Variants in SPATA18 observed in about 807,000 individuals in gnomAD.
SPATA18 encodes the protein mitochondria-eating protein.
SPATA18 carries 54 observed loss-of-function variants against 68.1 expected under a neutral mutation model. The ratio of observed to expected loss-of-function variants is 0.79; its 90% CI spans 0.64 to 0.99. The LOEUF is 0.99. Among genes scored for constraint, SPATA18 ranks in the 50% least tolerant of loss-of-function variants. The pLI, the probability that SPATA18 is intolerant of heterozygous loss-of-function variation, is 0.00. For missense variants in SPATA18, 724 were observed against 681.1 expected (o/e 1.06, Z -0.70); for synonymous variants, 242 against 244.8 (o/e 0.99, Z 0.11).
At chr4:52,069,744 T>TA in intron 4 of SPATA18, 77 bp from the exon 5 acceptor site, 1 of 1,049,596 alleles carries the variant, frequency 9.5e-7, no homozygotes, top group Non-Finnish European at 1.3e-6. Context: ...CAGAAGTTCC[T>TA]AAGTGAGCCT....
At chr4:52,082,762 C>T in intron 10 of SPATA18, 1 of 1,313,816 alleles carries the variant, frequency 7.6e-7, no homozygotes, top group African/African-American at 1.5e-5. Flanking sequence ...TCATATTTAC[C>T]TCCTCCATCT....
chr4:52,072,307 T>C, intron 6 of SPATA18, 151 bp downstream of exon 6: 1 of 1,269,534 alleles, frequency 7.9e-7, no homozygotes, highest in Non-Finnish European at 1.1e-6. Flanking sequence ...GATTGTTTTC[T>C]TAACTGCACC....
At chr4:52,084,821 A>T in intron 10 of SPATA18, 95 bp from the exon 11 acceptor site, 1 of 1,213,602 alleles carries the variant, frequency 8.2e-7, no homozygotes, top group Non-Finnish European at 1.2e-6. Flanking sequence ...CACATAAGTA[A>T]AACTCTTATT....
At position 52,051,341 on chromosome 4, in the gene SPATA18, G is replaced by C. The variant is rs1271572007; in HGVS notation, c.-364G>C. On this transcript the variant is annotated 5_prime_UTR_variant, in exon 1 of 13. Transcript: ENST00000295213. ...GGGCGCGCGGCTGTCACCCAGGGCG[G>C]GGCGGCGCGGGCGTTGCCACGACGC... is the stretch of plus-strand genomic sequence containing the variant. 1 of 203,416 alleles carries C rather than the reference G, an allele frequency of 4.9e-6. No homozygotes were observed. The highest frequency in any genetic ancestry group is 1.3e-4 in the South Asian group (1 of 7,562). 12.6% of individuals were successfully genotyped at this position (203,416 alleles called of 1,614,324 possible).
intron 4 of SPATA18, among the ~76,000 whole-genome samples, chr4:52,066,425 C>T (rs1457771585): frequency 2.0e-5 from 3 of 152,234 alleles, no homozygotes; most frequent in African/African-American, 7.2e-5. Flanking sequence ...GCTGGGATTA[C>T]AGGCGTGAGC....
chr4:52,077,284 C>T (rs887642926), intron 7 of SPATA18, among the ~76,000 whole-genome samples: 1 of 139,880 alleles, frequency 7.1e-6, no homozygotes, highest in Non-Finnish European at 1.6e-5. Context: ...TCTTTCCTTC[C>T]TCTTTGTTTC....
intron 1 of SPATA18, 142 bp downstream of exon 1, chr4:52,051,933 C>G (rs1451820246): frequency 2.7e-6 from 2 of 740,424 alleles, no homozygotes; most frequent in Middle Eastern, 2.6e-4. Context: ...TCTCAGCTTT[C>G]GACCGGGATC....
At position 52,060,020 on chromosome 4, in the gene SPATA18, A is replaced by C. The variant is rs144749486; in HGVS notation, c.88-399A>C. ...CTCAACCATGTGACAATTCAGTGCA[A>C]GCATTCAGTCAGCAGCCTTGCAAAT... On this transcript the variant is annotated intron_variant, in intron 1 of 12. Coordinates refer to ENST00000295213, the MANE Select transcript of SPATA18 (RefSeq NM_145263.4). Among the ~76,000 whole-genome samples the C allele has an allele frequency of 2.0e-3, 301 of 152,370 alleles. 1 individual carries two copies. Among genetic ancestry groups the C allele is most frequent in the African/African-American group, 6.9e-3 (287 of 41,596 alleles).
At chr4:52,092,725 A>G (rs1344304052) in intron 11 of SPATA18, among the ~76,000 whole-genome samples, 1 of 152,166 alleles carries the variant, frequency 6.6e-6, no homozygotes, top group Non-Finnish European at 1.5e-5. Flanking sequence ...GCTCCTTATC[A>G]TACATTCTTT....
At chr4:52,094,091 G>T (rs1052507003) in intron 11 of SPATA18, among the ~76,000 whole-genome samples, 9 of 152,052 alleles carry the variant, frequency 5.9e-5, no homozygotes, top group African/African-American at 2.2e-4. Flanking sequence ...TGTGGTTCCG[G>T]TGCAGTACCT....
chr4:52,089,286 C>T (rs960339472), intron 11 of SPATA18, among the ~76,000 whole-genome samples: 6 of 152,190 alleles, frequency 3.9e-5, no homozygotes, highest in African/African-American at 1.4e-4. Context: ...CTATCTCCTT[C>T]AGTTCTACTC....
intron 6 of SPATA18, among the ~76,000 whole-genome samples, chr4:52,076,049 C>G (rs1446684729): frequency 6.6e-6 from 1 of 152,204 alleles, no homozygotes; most frequent in Non-Finnish European, 1.5e-5. Context: ...TGGATTGCTC[C>G]TAAATCTCCA....
chr4:52,051,676 C>T lies in SPATA18; in HGVS notation c.-29C>T. On this transcript the variant is annotated 5_prime_UTR_variant, in exon 1 of 13. Coordinates refer to ENST00000295213, the MANE Select transcript of SPATA18 (RefSeq NM_145263.4). ...CTGGTCCCCCCAAGTCTCCATCGCG[C>T]AGCGTGGGGCCGAGAGGAATAGTGA... 6.2e-7 allele frequency: 1 copy of T among 1,611,142 alleles called. No homozygotes were observed. Among genetic ancestry groups the T allele is most frequent in the Non-Finnish European group, 8.5e-7 (1 of 1,177,268 alleles).
intron 1 of SPATA18, among the ~76,000 whole-genome samples, chr4:52,053,968 C>G (rs1458781018): frequency 1.3e-5 from 2 of 152,220 alleles, no homozygotes; most frequent in African/African-American, 4.8e-5. Flanking sequence ...AATTGTGCCC[C>G]TTTAAGCTCT....
chr4:52,061,018 G>A, intron 3 of SPATA18, 121 bp downstream of exon 3: 1 of 742,310 alleles, frequency 1.3e-6, no homozygotes, highest in Non-Finnish European at 2.2e-6. Flanking sequence ...AATTTGTGAT[G>A]GATATTGGTG....
At chr4:52,054,900 ATGGT>A (rs1365248661) in intron 1 of SPATA18, among the ~76,000 whole-genome samples, 5 of 151,584 alleles carry the variant, frequency 3.3e-5, no homozygotes, top group African/African-American at 1.2e-4. Context: ...CAATTAGAAC[ATGGT>A]TGATTCTTTA....
chr4:52,071,737 G>A (rs1175898338), intron 5 of SPATA18, among the ~76,000 whole-genome samples, 180 bp from the exon 6 acceptor site: 1 of 152,108 alleles, frequency 6.6e-6, no homozygotes, highest in Non-Finnish European at 1.5e-5. Context: ...TGGCAGTTCT[G>A]CTCCTTGCTA....
chr4:52,086,472 G>A lies in SPATA18; in HGVS notation c.1563+1473G>A, dbSNP rs376916859. Among the ~76,000 whole-genome samples the A allele has an allele frequency of 6.7e-4, 102 of 152,212 alleles. 2 individuals carry two copies. In the East Asian group the frequency reaches 0.013, roughly 20 times the overall value. ...GATGTTCCCCTCCCTGTGTCCATGT[G>A]TTATCACTGTTCAACTCCCACTTAT... is the stretch of plus-strand genomic sequence containing the variant. On this transcript the variant is annotated intron_variant, in intron 11 of 12. Transcript: ENST00000295213.
intron 3 of SPATA18, among the ~76,000 whole-genome samples, chr4:52,061,833 G>A (rs763447765): frequency 3.9e-5 from 6 of 152,000 alleles, no homozygotes; most frequent in Non-Finnish European, 5.9e-5. Flanking sequence ...ATTTATGGAC[G>A]CTTCTCAGGT....
Sources: allele counts gnomAD v4.1 joint callset (sites outside exome capture counted in the v4.1 genomes callset), GRCh38; gene constraint gnomAD v4.1.1; transcripts MANE v1.5; gene names NCBI Gene and HGNC (gene_info 2026-07-23, HGNC 2026-07-21).